Variants in MACF1 observed in about 807,000 individuals in gnomAD.
The protein encoded by MACF1 is microtubule-actin cross-linking factor 1.
Under a neutral mutation model 854.8 loss-of-function variants are expected in MACF1, and 193 were observed. The observed-to-expected ratio is 0.23, with a 90% CI of 0.20 to 0.25. The LOEUF (loss-of-function observed/expected upper bound fraction) is 0.25. MACF1 is among the 10% of genes least tolerant of loss of function. The pLI is 1.00. For missense variants in MACF1, 7,722 were observed against 8,929.1 expected, an observed-to-expected ratio of 0.86 and a Z score of 5.45; for synonymous variants, 3,185 against 3,226.7, an observed-to-expected ratio of 0.99 and a Z score of 0.44.
intron 2 of MACF1, among the ~76,000 whole-genome samples, chr1:39,121,999 A>G (rs1404930706): frequency 6.6e-6 from 1 of 152,132 alleles, no homozygotes; most frequent in Non-Finnish European, 1.5e-5. Context: ...ACTACTCTTG[A>G]AAATGGTCTG....
rs543924568 is a variant in MACF1, at chr1:39,310,169, C to T, written c.2917-76C>T. On this transcript the variant is annotated intron_variant, in intron 24 of 100. Transcript: ENST00000564288. ...TATGCACTGTTTTGTATATATGTTA[C>T]TTCAGTAAAATGGAGGAAAAGAGGA... 1.2e-4 allele frequency: 141 copies of T among 1,203,636 alleles called. 2 individuals are homozygous for T. The South Asian group carries it at 1.6e-3, about 14-fold the overall frequency. 74.6% of individuals were successfully genotyped at this position (1,203,636 alleles called of 1,614,324 possible).
At chr1:39,129,398 C>G (rs1394167801) in intron 2 of MACF1, among the ~76,000 whole-genome samples, 1 of 152,174 alleles carries the variant, frequency 6.6e-6, no homozygotes, top group Admixed American at 6.5e-5. Flanking sequence ...CAGAGAGAAG[C>G]TTCTTGGAAC....
At chr1:39,315,800 G>T in intron 27 of MACF1, 109 bp downstream of exon 27, 1 of 1,068,364 alleles carries the variant, frequency 9.4e-7, no homozygotes, top group Non-Finnish European at 1.3e-6. Context: ...AGATCCTGAA[G>T]AGCATATACT....
At chr1:39,293,310 C>A in intron 17 of MACF1, 148 bp from the exon 18 acceptor site, 1 of 753,918 alleles carries the variant, frequency 1.3e-6, no homozygotes, top group Non-Finnish European at 2.1e-6. Flanking sequence ...TTATATCAAA[C>A]TTGTACAAAA....
At chr1:39,284,249 C>T in intron 10 of MACF1, 64 bp downstream of exon 10, 1 of 1,589,930 alleles carries the variant, frequency 6.3e-7, no homozygotes, top group Non-Finnish European at 8.6e-7. Context: ...CCAAGCTTAT[C>T]ACTGCTGGCT....
chr1:39,269,772 C>G, intron 6 of MACF1: 1 of 1,234,648 alleles, frequency 8.1e-7, no homozygotes, highest in Non-Finnish European at 1.0e-6. Flanking sequence ...ATTCTTGGCC[C>G]TCAAACATAT....
chr1:39,480,838 A>AT (rs889933458), intron 98 of MACF1, 82 bp from the exon 99 acceptor site: 3 of 715,130 alleles, frequency 4.2e-6, no homozygotes, highest in African/African-American at 1.8e-5. Context: ...TCTTCTATTT[A>AT]TTTTTTTCTG....
At chr1:39,417,832 C>T (rs1462298588) in intron 58 of MACF1, among the ~76,000 whole-genome samples, 2 of 146,132 alleles carry the variant, frequency 1.4e-5, no homozygotes, top group African/African-American at 2.5e-5. Context: ...CCTGCCTCGG[C>T]GTCCCAAAGT....
chr1:39,162,630 T>C (rs926758392), intron 2 of MACF1, among the ~76,000 whole-genome samples: 4 of 152,246 alleles, frequency 2.6e-5, no homozygotes, highest in African/African-American at 7.2e-5. Flanking sequence ...CATTTGATTT[T>C]CCTGCTAGTC....
intron 6 of MACF1, among the ~76,000 whole-genome samples, chr1:39,272,180 A>G (rs919163309): frequency 1.3e-5 from 2 of 152,196 alleles, no homozygotes; most frequent in African/African-American, 4.8e-5. Flanking sequence ...ATCCTATATG[A>G]CAGATAAGAA....
intron 58 of MACF1, chr1:39,413,874 C>T (rs1466797860): frequency 2.5e-5 from 40 of 1,610,056 alleles, no homozygotes; most frequent in Non-Finnish European, 3.0e-5. Flanking sequence ...CTTCAGTGCC[C>T]ACCCCTGCAG....
At position 39,334,424 on chromosome 1, in the gene MACF1, A is replaced by G; in HGVS notation, c.7836A>G (p.Pro2612=). 2 of 1,614,138 alleles carry G rather than the reference A, an allele frequency of 1.2e-6. No homozygotes were observed. Among genetic ancestry groups the G allele is most frequent in the South Asian group, 1.1e-5 (1 of 91,078 alleles). The change falls in exon 37 of 101, where the codon CCA becomes CCG. Residue 2612 remains proline, a synonymous_variant. Transcript: ENST00000564288. ...TAACTAATGAAGCAGTATTGTCTCC[A>G]GGAATGATGCATGGCATTGTAGATC... ...GLLTNEAVLS[P]GMMHGIVDPE...
At chr1:39,101,700 T>A (rs112262043) in intron 2 of MACF1, among the ~76,000 whole-genome samples, 1 of 151,022 alleles carries the variant, frequency 6.6e-6, no homozygotes, top group Admixed American at 6.6e-5. Flanking sequence ...GGCGGGCGCC[T>A]GTAGTCCCAC....
chr1:39,309,433 A>G, intron 23 of MACF1, 137 bp from the exon 24 acceptor site: 1 of 940,196 alleles, frequency 1.1e-6, no homozygotes, highest in South Asian at 1.7e-5. Context: ...CTGAGATGCT[A>G]GTATTTGACT....
At chr1:39,183,518 T>G (rs939531603) in intron 2 of MACF1, among the ~76,000 whole-genome samples, 1 of 152,208 alleles carries the variant, frequency 6.6e-6, no homozygotes, top group Non-Finnish European at 1.5e-5. Flanking sequence ...CAAGTTACTG[T>G]TGCCCCAAAT....
At chr1:39,324,477 G>C (rs1646572513) in intron 34 of MACF1, 132 bp downstream of exon 34, 1 of 1,239,004 alleles carries the variant, frequency 8.1e-7, no homozygotes, top group Admixed American at 2.6e-5. Context: ...AGAAACTTAA[G>C]AAGCCATCTT....
chr1:39,222,891 G>A (rs953151546), intron 1 of MACF1, among the ~76,000 whole-genome samples: 2 of 152,094 alleles, frequency 1.3e-5, no homozygotes, highest in African/African-American at 4.8e-5. Context: ...TGAATGGTTC[G>A]TAATGTACTG....
rs757692989 is a variant in MACF1 at position 39,318,501 on chromosome 1, C to T, written c.3831C>T (p.Ala1277=). The change falls in exon 30 of 101, where the codon GCC becomes GCT. Residue 1277 remains alanine (A), a synonymous_variant. Coordinates refer to ENST00000564288, the MANE Select transcript of MACF1 (RefSeq NM_001394062.1). ...AGGAAGTTCTGGGAGATTACCGAGCCTGCCATGGAACTCTCATCAAGTGGA... is the reference window on the plus strand; with the variant it reads ...AGGAAGTTCTGGGAGATTACCGAGCTTGCCATGGAACTCTCATCAAGTGGA... ...SIQEVLGDYR[A]CHGTLIKWIE... is the part of the protein sequence containing the mutation. The T allele has an allele frequency of 1.9e-6, 3 of 1,613,920 alleles. No individual in the cohort carries two copies. The highest frequency in any genetic ancestry group is 2.7e-5 in the African/African-American group (2 of 74,910).
At position 39,324,363 on chromosome 1, in the gene MACF1, C is replaced by G. The variant is rs201524865; in HGVS notation, c.4389+18C>G. 2 of 1,611,660 alleles carry G rather than the reference C, an allele frequency of 1.2e-6. No individual in the cohort carries two copies. The highest frequency in any genetic ancestry group is 1.3e-5 in the African/African-American group (1 of 74,814). ...AACAGCAGGTGAGAAGAAGGTCCAT[C>G]TCTGTTTACCTGGGTAGAATAATAT... On this transcript the variant is annotated intron_variant, in intron 34 of 100. Coordinates refer to ENST00000564288, the MANE Select transcript of MACF1 (RefSeq NM_001394062.1).
Sources: gnomAD v4.1 joint callset for allele counts (sites outside exome capture counted in the v4.1 genomes callset) on GRCh38, gnomAD v4.1.1 for gene constraint, MANE v1.5 for transcripts, NCBI Gene and HGNC (gene_info 2026-07-23, HGNC 2026-07-21) for gene names.